COL7A1: variants seen among roughly 807,000 people sequenced by gnomAD.
COL7A1 encodes the protein collagen type VII alpha 1 chain, also known as collagen alpha-1(VII) chain.
A neutral mutation model predicts 456.2 loss-of-function variants in COL7A1; 296 were observed. That is an observed-to-expected ratio of 0.65 (90% CI 0.59 to 0.71). COL7A1 has a LOEUF of 0.71. Among genes scored for constraint, COL7A1 ranks in the 30% least tolerant of loss-of-function variants. The probability of loss-of-function intolerance (pLI) is 0.00; values close to 1 mark genes in which losing one functional copy is unlikely to be tolerated. For missense variants in COL7A1, 3,441 were observed against 4,017.2 expected (o/e 0.86, Z 3.88); for synonymous variants, 1,464 against 1,525.9 (o/e 0.96, Z 0.95).
rs371666351 is a variant in COL7A1, at chr3:48,568,455, C to T, written c.7794+44G>A. The stretch of plus-strand genomic sequence containing the variant: ...GGTGGGACCACCATGGTGACGGGGG[C>T]CCTCTGGGGACAGGGGGCCCCTGTG... On this transcript the variant is annotated intron_variant, in intron 105 of 118. Transcript: ENST00000681320. The surrounding 1 kb of genome is among the most constrained non-coding windows in gnomAD (Gnocchi z 5.2). 835 of 1,565,758 alleles carry T rather than the reference C, an allele frequency of 5.3e-4. 1 individual carries two copies. Among genetic ancestry groups the T allele is most frequent in the Non-Finnish European group, 6.8e-4 (776 of 1,148,100 alleles).
Position 48,566,471 on chromosome 3 carries a change from C to G in COL7A1, c.8358+39G>C. ...GGTAGGGCCCCAGCCCACCCAGGCC[C>G]ACCCAGGCCCTCCCAGGCCCATCCA... On this transcript the variant is annotated intron_variant, in intron 113 of 118. Transcript: ENST00000681320. This position sits in a 1 kb window ranked among gnomAD's most constrained non-coding sequence, Gnocchi z 5.9. 1.9e-6 allele frequency: 3 copies of G among 1,613,084 alleles called. No individual in the cohort carries two copies. The highest frequency in any genetic ancestry group is 2.5e-6 in the Non-Finnish European group (3 of 1,179,578).
In COL7A1 at chr3:48,567,475, T is replaced by C; in HGVS notation, c.8046+99A>G. On this transcript the variant is annotated intron_variant, in intron 109 of 118. Coordinates refer to ENST00000681320, the MANE Select transcript of COL7A1 (RefSeq NM_000094.4). This position sits in a 1 kb window ranked among gnomAD's most constrained non-coding sequence, Gnocchi z 4.3. ...ACTTCAGCCCCCAAAGTCCCAACCC[T>C]CTACAGCCTTCCTTGTCCCTACACC... 6.5e-7 allele frequency: 1 copy of C among 1,533,728 alleles called. No individual in the cohort carries two copies. Among genetic ancestry groups the C allele is most frequent in the Admixed American group, 1.7e-5 (1 of 59,220 alleles).
chr3:48,569,759 C>T lies in COL7A1; in HGVS notation c.7523G>A (p.Gly2508Asp). ...PGSRGERGEK[G>D]DVGSAGLKGD... Reference sequence around the variant, plus strand: ...CTTTAGTCCTGCACTCCCAACATCACCCTATTGGGCAAAAGAGTGTGAGTC... The same window carrying T: ...CTTTAGTCCTGCACTCCCAACATCATCCTATTGGGCAAAAGAGTGTGAGTC... Residue 2508 changes from glycine (G) to aspartate (D), a missense_variant and splice_region_variant, in exon 101 of 119, where the codon GGT becomes GAT. Gly to Asp is a moderately conservative substitution (Grantham distance 94). Around this residue, in one of 3 missense-constraint regions of COL7A1, gnomAD observed 2,084 missense variants for 2,501.3 expected, o/e 0.83. Coordinates refer to ENST00000681320, the MANE Select transcript of COL7A1 (RefSeq NM_000094.4). This position sits in a 1 kb window ranked among gnomAD's most constrained non-coding sequence, Gnocchi z 4.9. 2 of 1,614,182 alleles carry T rather than the reference C, an allele frequency of 1.2e-6. No homozygotes were observed. The highest frequency in any genetic ancestry group is 1.7e-6 in the Non-Finnish European group (2 of 1,180,024).
Position 48,581,553 on chromosome 3 carries a change from C to G in COL7A1, c.4782+20G>C, listed in dbSNP as rs758603777. 15 of 1,614,134 alleles carry G rather than the reference C, an allele frequency of 9.3e-6. No individual in the cohort carries two copies. The highest frequency in any genetic ancestry group is 5.0e-5 in the Admixed American group (3 of 60,018). ...ACCTCATCTCCCTCTGTCACACTCCCCATTCCCACATTGATTCACCCGGTC... is the reference window on the plus strand; with the variant it reads ...ACCTCATCTCCCTCTGTCACACTCCGCATTCCCACATTGATTCACCCGGTC... On this transcript the variant is annotated intron_variant, in intron 50 of 118. Coordinates refer to ENST00000681320, the MANE Select transcript of COL7A1 (RefSeq NM_000094.4). The surrounding 1 kb of genome is among the most constrained non-coding windows in gnomAD (Gnocchi z 5.8).
chr3:48,568,447 GAC>G lies in COL7A1; in HGVS notation c.7794+50_7794+51del. The G allele has an allele frequency of 6.5e-7, 1 of 1,538,258 alleles. No individual in the cohort carries two copies. ...ACCACACTGGTGGGACCACCATGGT[GAC>G]GGGGGCCCTCTGGGGACAGGGGGCC... On this transcript the variant is annotated intron_variant, in intron 105 of 118. Coordinates refer to ENST00000681320, the MANE Select transcript of COL7A1 (RefSeq NM_000094.4). This position sits in a 1 kb window ranked among gnomAD's most constrained non-coding sequence, Gnocchi z 5.2.
chr3:48,586,517 C>T lies in COL7A1; in HGVS notation c.3404-39G>A. On this transcript the variant is annotated intron_variant, in intron 26 of 118. Transcript: ENST00000681320. This position sits in a 1 kb window ranked among gnomAD's most constrained non-coding sequence, Gnocchi z 5.1. The stretch of plus-strand genomic sequence containing the variant: ...CATGTCAGAACCCTGGGGCACCAAG[C>T]TCCCAGTGGATAGCCCCAGGAGTCC... 1.2e-6 allele frequency: 2 copies of T among 1,613,786 alleles called. No individual in the cohort carries two copies. Among genetic ancestry groups the T allele is most frequent in the African/African-American group, 2.7e-5 (2 of 75,062 alleles).
At position 48,581,576 on chromosome 3, in the gene COL7A1, G is replaced by T. The variant is rs267599860; in HGVS notation, c.4779C>A (p.Asp1593Glu). Reference sequence around the variant, plus strand: ...CCCCATTCCCACATTGATTCACCCGGTCTCCAGGGTCTCCCTTGGGGCCAG... The same window carrying T: ...CCCCATTCCCACATTGATTCACCCGTTCTCCAGGGTCTCCCTTGGGGCCAG... ...GDPGPKGDPG[D>E]RGPIGLTGRA... Residue 1593 changes from aspartate to glutamate, a missense_variant, in exon 50 of 119, where the codon GAC becomes GAA. Around this residue, in one of 3 missense-constraint regions of COL7A1, gnomAD observed 2,084 missense variants for 2,501.3 expected, o/e 0.83. Coordinates refer to ENST00000681320, the MANE Select transcript of COL7A1 (RefSeq NM_000094.4). This position sits in a 1 kb window ranked among gnomAD's most constrained non-coding sequence, Gnocchi z 5.8. 3.1e-6 allele frequency: 5 copies of T among 1,613,992 alleles called. No individual in the cohort carries two copies. In the Admixed American group the frequency reaches 8.3e-5, roughly 27 times the overall value.
rs775971080 is a variant in COL7A1 at position 48,572,179 on chromosome 3, C to CA, written c.6979-9dup. 2.5e-6 allele frequency: 4 copies of CA among 1,614,066 alleles called. No individual in the cohort carries two copies. The highest frequency in any genetic ancestry group is 3.4e-6 in the Non-Finnish European group (4 of 1,180,022). On this transcript the variant is annotated splice_polypyrimidine_tract_variant and intron_variant, in intron 90 of 118. Transcript: ENST00000681320. This position sits in a 1 kb window ranked among gnomAD's most constrained non-coding sequence, Gnocchi z 4.6. ...TCGGTCACCTTTGGCTCCCTGTTGA[C>CA]AGAGGTCAGGAGGCAACACAGGCAT...
Position 48,570,028 on chromosome 3 carries a change from G to C in COL7A1, c.7485+106C>G. On this transcript the variant is annotated intron_variant, in intron 99 of 118. Transcript: ENST00000681320. The surrounding 1 kb of genome is among the most constrained non-coding windows in gnomAD (Gnocchi z 5.5). ...CCAGACAAAGGGGACAGGGGTAGAC[G>C]AGGAGGGCCAGAGGGCTAGGGAGGA... The C allele has an allele frequency of 6.3e-7, 1 of 1,592,502 alleles. No homozygotes were observed. The highest frequency in any genetic ancestry group is 8.6e-7 in the Non-Finnish European group (1 of 1,161,544).
intron 16 of COL7A1, 85 bp from the exon 17 acceptor site, chr3:48,589,803 A>C (rs1424564002): frequency 3.8e-6 from 6 of 1,592,812 alleles, no homozygotes; most frequent in Non-Finnish European, 5.2e-6. Context: ...TGGGAGTCTA[A>C]CAGGAGACGG....
Position 48,570,925 on chromosome 3 carries a change from A to C in COL7A1, c.7208T>G (p.Val2403Gly), listed in dbSNP as rs753421344. Residue 2403 changes from valine to glycine, a missense_variant, in exon 95 of 119, where the codon GTT (valine) becomes GGT (glycine). By Grantham distance (109) the Val-to-Gly change is moderately radical. Transcript: ENST00000681320. This position sits in a 1 kb window ranked among gnomAD's most constrained non-coding sequence, Gnocchi z 5.5. Reference protein sequence around the residue: ...LPGLPGAPGVVGFPGQTGPRG... With the variant: ...LPGLPGAPGVGGFPGQTGPRG... ...AGGGCCTGTCTGACCCGGGAACCCAACAACACCAGGAGCACCGGGCAGGCC... is the reference window on the plus strand; with the variant it reads ...AGGGCCTGTCTGACCCGGGAACCCACCAACACCAGGAGCACCGGGCAGGCC... 3.7e-6 allele frequency: 6 copies of C among 1,613,598 alleles called. No individual in the cohort carries two copies. The highest frequency in any genetic ancestry group is 5.1e-6 in the Non-Finnish European group (6 of 1,179,746).
intron 33 of COL7A1, 45 bp downstream of exon 33, chr3:48,584,991 A>G: frequency 6.2e-7 from 1 of 1,613,400 alleles, no homozygotes; most frequent in Non-Finnish European, 8.5e-7. Flanking sequence ...CACCCCACCC[A>G]CTCAGGCAGC....
At position 48,568,550 on chromosome 3, in the gene COL7A1, A is replaced by C; in HGVS notation, c.7759-16T>G. 6.2e-7 allele frequency: 1 copy of C among 1,606,470 alleles called. No homozygotes were observed. The highest frequency in any genetic ancestry group is 8.5e-7 in the Non-Finnish European group (1 of 1,174,706). On this transcript the variant is annotated splice_polypyrimidine_tract_variant and intron_variant, in intron 104 of 118. Coordinates refer to ENST00000681320, the MANE Select transcript of COL7A1 (RefSeq NM_000094.4). This position sits in a 1 kb window ranked among gnomAD's most constrained non-coding sequence, Gnocchi z 5.2. ...CAGGTTGACCCTGTGAGAAACACAG[A>C]TGGGGGAGCCCTTCAGTGGGACTGT...
In COL7A1 at chr3:48,571,607, C is replaced by T. The variant is rs2043925190; in HGVS notation, c.7069-329G>A. ...CGCTCAGAGGGGAACCCCAACACGT[C>T]CACTCCCGGGTAGAGCAGGCATGGC... is the stretch of plus-strand genomic sequence containing the variant. On this transcript the variant is annotated intron_variant, in intron 92 of 118. Transcript: ENST00000681320. The surrounding 1 kb of genome is among the most constrained non-coding windows in gnomAD (Gnocchi z 4.6). 2 of 661,136 alleles carry T rather than the reference C, an allele frequency of 3.0e-6. No individual in the cohort carries two copies. Among genetic ancestry groups the T allele is most frequent in the African/African-American group, 3.6e-5 (2 of 56,196 alleles). 41.0% of individuals were successfully genotyped at this position (661,136 alleles called of 1,614,324 possible).
At position 48,585,081 on chromosome 3, in the gene COL7A1, A is replaced by G; in HGVS notation, c.3930T>C (p.Pro1310=). The change falls in exon 33 of 119, where the codon CCT becomes CCC. Residue 1310 remains proline (P), a synonymous_variant. Transcript: ENST00000681320. The surrounding 1 kb of genome is among the most constrained non-coding windows in gnomAD (Gnocchi z 4.5). ...GGGTCCCAGGATTCCCGGCGCGGCC[A>G]GGGCTGCCTGGACGCCCATCTGCTC... ...FPGADGRPGS[P]GRAGNPGTPG... 3.1e-6 allele frequency: 5 copies of G among 1,612,158 alleles called. No individual in the cohort carries two copies. Among genetic ancestry groups the G allele is most frequent in the Non-Finnish European group, 4.2e-6 (5 of 1,179,830 alleles).
chr3:48,584,126 A>G, intron 37 of COL7A1, 65 bp from the exon 38 acceptor site: 7 of 1,613,114 alleles, frequency 4.3e-6, no homozygotes, highest in Non-Finnish European at 5.1e-6. Flanking sequence ...ACCAGGAGTG[A>G]TGAGGGTCAT....
Position 48,574,697 on chromosome 3 carries a change from G to T in COL7A1, c.6373C>A (p.Gln2125Lys). The change falls in exon 78 of 119, where the codon CAA becomes AAA. Residue 2125 changes from glutamine (Q) to lysine (K), a missense_variant. This residue lies in a region of COL7A1 where 2,084 missense variants were observed against 2,501.3 expected (regional missense o/e 0.83). Coordinates refer to ENST00000681320, the MANE Select transcript of COL7A1 (RefSeq NM_000094.4). This position sits in a 1 kb window ranked among gnomAD's most constrained non-coding sequence, Gnocchi z 5.0. The part of the protein sequence containing the change: ...AKGEPGSNGD[Q>K]GPKGDRGVPG... The stretch of plus-strand genomic sequence containing the variant: ...CTCACCCTGTCTCCTTTGGGACCTT[G>T]GTCACCATTGCTGCCCGGCTCCCCC... 1.2e-6 allele frequency: 2 copies of T among 1,613,926 alleles called. No individual in the cohort carries two copies. The highest frequency in any genetic ancestry group is 1.1e-5 in the South Asian group (1 of 91,080).
Position 48,593,092 on chromosome 3 carries a change from A to G in COL7A1, c.682+10T>C, listed in dbSNP as rs759858956. The G allele has an allele frequency of 9.9e-6, 16 of 1,614,124 alleles. No individual in the cohort carries two copies. The highest frequency in any genetic ancestry group is 6.7e-5 in the East Asian group (3 of 44,884). ...CTAGGTCAGGGTACACCGTGTGGGC[A>G]GGAACTCACGAGGTCGGGTCACAGG... is the stretch of plus-strand genomic sequence containing the variant. On this transcript the variant is annotated intron_variant, in intron 6 of 118. Coordinates refer to ENST00000681320, the MANE Select transcript of COL7A1 (RefSeq NM_000094.4). The surrounding 1 kb of genome is among the most constrained non-coding windows in gnomAD (Gnocchi z 4.4).
Position 48,585,438 on chromosome 3 carries a change from C to T in COL7A1, c.3894+119G>A. 1 of 1,223,372 alleles carries T rather than the reference C, an allele frequency of 8.2e-7. No individual in the cohort carries two copies. Among genetic ancestry groups the T allele is most frequent in the African/African-American group, 1.5e-5 (1 of 67,462 alleles). The allele number at this position is 1,223,372 out of a possible 1,614,324, so 75.8% of individuals were successfully genotyped here. A position where few individuals can be genotyped will look rare whatever the true frequency, so the allele number is the denominator to read the frequency against. Reference sequence around the variant, plus strand: ...AGTCTCTGTGGTGGTTTATAACCTCCAGCTGGGCTTCTAGGAATTCCCGAT... The same window carrying T: ...AGTCTCTGTGGTGGTTTATAACCTCTAGCTGGGCTTCTAGGAATTCCCGAT... On this transcript the variant is annotated intron_variant, in intron 32 of 118. Transcript: ENST00000681320. This position sits in a 1 kb window ranked among gnomAD's most constrained non-coding sequence, Gnocchi z 4.5.
Sources: gnomAD v4.1 joint callset for allele counts on GRCh38, gnomAD v4.1.1 for gene constraint, gnomAD v4.1.1 regional missense constraint, Gnocchi (gnomAD v3.1) non-coding constraint, MANE v1.5 for transcripts, NCBI Gene and HGNC (gene_info 2026-07-23, HGNC 2026-07-21) for gene names.